The following FANCB variants were observed in gnomAD, a reference collection of about 807,000 sequenced individuals.
FANCB encodes FA complementation group B.
FANCB carries 5 observed loss-of-function variants against 38.9 expected under a neutral mutation model. The observed-to-expected ratio is 0.13, with a 90% CI of 0.07 to 0.27. FANCB has a LOEUF of 0.27. Ranked by LOEUF, FANCB falls within the 10% of genes least tolerant of loss-of-function variation. FANCB has a pLI of 1.00. For synonymous variants in FANCB, 236 were observed against 215.4 expected (o/e 1.10, Z -0.84); for missense variants, 573 against 602.7 (o/e 0.95, Z 0.52).
Position 14,865,450 on chromosome X carries a change from C to T in FANCB, c.61G>A (p.Glu21Lys). Reference protein sequence around the residue: ...EQERLLCYNGEVLVFQLSKGN... With the variant: ...EQERLLCYNGKVLVFQLSKGN... ...TTAGACAACTGGAAAACAAGGACTT[C>T]CCCATTATAACACAAGAGCCTTTCT... The change falls in exon 3 of 10, where the codon GAA (glutamate) becomes AAA (lysine). Residue 21 changes from glutamate (E) to lysine (K), a missense_variant. Transcript: ENST00000650831. The T allele has an allele frequency of 8.3e-7, 1 of 1,209,937 alleles. No individual in the cohort carries two copies. The highest frequency in any genetic ancestry group is 1.1e-6 in the Non-Finnish European group (1 of 894,698).
At chrX:14,831,972 T>C (rs920799209), downstream of FANCB, among the ~76,000 whole-genome samples, 1 of 111,856 alleles carries the variant, frequency 8.9e-6, no homozygotes, top group Non-Finnish European at 1.9e-5. Context: ...ACAATCATGT[T>C]TACAGTCCCC....
the FANCB span, among the ~76,000 whole-genome samples, chrX:14,798,451 C>T: frequency 1.3e-4 from 15 of 111,885 alleles, no homozygotes; most frequent in Admixed American, 1.2e-3. Context: ...CGTGAGCCAC[C>T]GTGCCCAGCC....
the FANCB span, among the ~76,000 whole-genome samples, chrX:14,744,098 A>G: frequency 2.4e-4 from 27 of 111,924 alleles, 1 homozygote; most frequent in South Asian, 8.6e-3. Context: ...TGTGTCTAAT[A>G]TTTTTATAGA....
chrX:14,860,433 T>C (rs1602000032), intron 3 of FANCB, among the ~76,000 whole-genome samples: 1 of 112,056 alleles, frequency 8.9e-6, no homozygotes, highest in East Asian at 2.8e-4. Flanking sequence ...GTAATAAGAA[T>C]GTGTTTGGCA....
chrX:14,803,349 GTATAGATCAACCAGGGA>G, the FANCB span, among the ~76,000 whole-genome samples: 641 of 112,448 alleles, frequency 5.7e-3, 3 homozygotes, highest in African/African-American at 0.02. Flanking sequence ...GGGACAAGGT[GTATAGATCAACCAGGGA>G]TTTCAAGACC....
chrX:14,850,684 A>C lies in FANCB; in HGVS notation c.1327-10T>G. On this transcript the variant is annotated splice_polypyrimidine_tract_variant and intron_variant, in intron 6 of 9. Coordinates refer to ENST00000650831, the MANE Select transcript of FANCB (RefSeq NM_001018113.3). ...GAACAAGACATTCCTTCTAAAAAAA[A>C]AAGTTTAAATAACTGATTATAAAAT... 1 of 1,109,877 alleles carries C rather than the reference A, an allele frequency of 9.0e-7. No individual in the cohort carries two copies. Among genetic ancestry groups the C allele is most frequent in the Non-Finnish European group, 1.2e-6 (1 of 811,183 alleles). The allele number at this position is 1,109,877 out of a possible 1,213,427, so 91.5% of individuals were successfully genotyped here.
the FANCB span, among the ~76,000 whole-genome samples, chrX:14,705,270 C>G: frequency 1.8e-5 from 2 of 111,845 alleles, no homozygotes; most frequent in Admixed American, 1.9e-4. Context: ...GTCAGTGACA[C>G]GGAAGCTTTG....
At position 14,845,157 on chromosome X, in the gene FANCB, T is replaced by C. The variant is rs1277532078; in HGVS notation, c.1626A>G (p.Pro542=). Residue 542 remains proline, a synonymous_variant, in exon 8 of 10, where the codon CCA becomes CCG. Coordinates refer to ENST00000650831, the MANE Select transcript of FANCB (RefSeq NM_001018113.3). ...TNPFPAPYLM[P]CEIGLEAKRV... ...TTTTTGCTTCCAATCCTATTTCACA[T>C]GGCATCAAGTATGGTGCTGGGAAAG... 5 of 1,210,911 alleles carry C rather than the reference T, an allele frequency of 4.1e-6. No individual in the cohort carries two copies. The highest frequency in any genetic ancestry group is 1.7e-5 in the African/African-American group (1 of 57,828).
chrX:14,850,630 G>A lies in FANCB; in HGVS notation c.1371C>T (p.Val457=), dbSNP rs149695930. Residue 457 remains valine, a synonymous_variant, in exon 7 of 10, where the codon GTC becomes GTT. Coordinates refer to ENST00000650831, the MANE Select transcript of FANCB (RefSeq NM_001018113.3). The part of the protein sequence containing the change: ...VPLCGEEENS[V]HILDEKLSDN... The stretch of plus-strand genomic sequence containing the variant: ...CTGATAACTTTTCATCTAAGATATG[G>A]ACAGAATTTTCTTCTTCACCACAAA... 3.6e-4 allele frequency: 432 copies of A among 1,188,001 alleles called. No individual in the cohort carries two copies. Among genetic ancestry groups the A allele is most frequent in the Non-Finnish European group, 4.5e-4 (392 of 877,228 alleles).
At chrX:14,695,695 T>C in the FANCB span, among the ~76,000 whole-genome samples, 1 of 112,079 alleles carries the variant, frequency 8.9e-6, no homozygotes, top group Non-Finnish European at 1.9e-5. Context: ...AGAATGACTA[T>C]GGTTGCTAGC....
the FANCB span, among the ~76,000 whole-genome samples, chrX:14,717,429 T>C: frequency 0.099 from 10,889 of 110,391 alleles, 796 homozygotes; most frequent in African/African-American, 0.24. Flanking sequence ...TTACCTCTCA[T>C]TGATCATTTT....
rs995027356 is a variant in FANCB at position 14,837,202 on chromosome X, T to A, written c.*1567-947A>T. The stretch of plus-strand genomic sequence containing the variant: ...TACCTCCTTTTCTTCTCAAGTGCTG[T>A]AGTACTCATAGCGAATAAAGATGTA... On this transcript the variant is annotated intron_variant and NMD_transcript_variant, in intron 10 of 10. Transcript: ENST00000643728. 3.6e-5 allele frequency among the ~76,000 whole-genome samples: 4 copies of A among 112,256 alleles called. No homozygotes were observed. In the Admixed American group the frequency reaches 3.8e-4, roughly 11 times the overall value.
the FANCB span, among the ~76,000 whole-genome samples, chrX:14,739,328 G>C: frequency 9.8e-5 from 11 of 111,732 alleles, no homozygotes; most frequent in Admixed American, 8.6e-4. Flanking sequence ...TACACCCTTT[G>C]ATCAACAGAT....
At chrX:14,863,246 A>G (rs2092454519) in intron 3 of FANCB, among the ~76,000 whole-genome samples, 1 of 112,361 alleles carries the variant, frequency 8.9e-6, no homozygotes, top group South Asian at 3.6e-4. Flanking sequence ...AACATTTAAC[A>G]ATATTCCACA....
the FANCB span, among the ~76,000 whole-genome samples, chrX:14,697,409 G>A: frequency 2.1e-3 from 237 of 111,936 alleles, 2 homozygotes; most frequent in Non-Finnish European, 3.7e-3. Flanking sequence ...GTGATCCTCC[G>A]GTATAGGGGT....
intron 7 of FANCB, among the ~76,000 whole-genome samples, chrX:14,847,914 T>C (rs2092383700): frequency 8.9e-6 from 1 of 112,088 alleles, no homozygotes; most frequent in African/African-American, 3.2e-5. Context: ...AACACAGTGA[T>C]AAATATCTAA....
chrX:14,741,587 A>G, the FANCB span, among the ~76,000 whole-genome samples: 1 of 111,855 alleles, frequency 8.9e-6, no homozygotes, highest in South Asian at 3.7e-4. Context: ...TAGCAGTATC[A>G]GTTCAATGAA....
At chrX:14,720,897 CA>C in the FANCB span, among the ~76,000 whole-genome samples, 2 of 110,264 alleles carry the variant, frequency 1.8e-5, no homozygotes, top group African/African-American at 6.6e-5. Flanking sequence ...TTTAGGAGAC[CA>C]AGATGGGAGG....
chrX:14,768,827 T>G, the FANCB span, among the ~76,000 whole-genome samples: 1 of 111,385 alleles, frequency 9.0e-6, no homozygotes, highest in Non-Finnish European at 1.9e-5. Context: ...TATTTTGAGT[T>G]ATCTTCCTTC....
Sources: gnomAD v4.1 joint callset for allele counts (sites outside exome capture counted in the v4.1 genomes callset) on GRCh38, gnomAD v4.1.1 for gene constraint, MANE v1.5 for transcripts, NCBI Gene and HGNC (gene_info 2026-07-23, HGNC 2026-07-21) for gene names.